Variants in MYO5B observed in about 807,000 individuals in gnomAD.
MYO5B encodes the protein myosin VB.
In MYO5B, 143 loss-of-function variants were observed where a neutral mutation model predicts 229.3. That is an observed-to-expected ratio of 0.62 (90% CI 0.54 to 0.72). The LOEUF (loss-of-function observed/expected upper bound fraction) is 0.72. MYO5B is among the 30% of genes least tolerant of loss of function. The pLI is 0.00. For synonymous variants in MYO5B, 918 were observed against 885.2 expected (o/e 1.04, Z -0.66); for missense variants, 2,321 against 2,331.0 (o/e 1.00, Z 0.09).
At chr18:50,130,873 T>G (rs970615103) in intron 1 of MYO5B, among the ~76,000 whole-genome samples, 1 of 152,188 alleles carries the variant, frequency 6.6e-6, no homozygotes, top group Admixed American at 6.5e-5. Flanking sequence ...CAGGAAAAGG[T>G]AGTTTCCCTT....
intron 1 of MYO5B, among the ~76,000 whole-genome samples, chr18:50,065,427 A>C (rs2030795473): frequency 6.6e-6 from 1 of 152,210 alleles, no homozygotes; most frequent in African/African-American, 2.4e-5. Flanking sequence ...CAGGAAACTT[A>C]CAATCATGGC....
intron 1 of MYO5B, among the ~76,000 whole-genome samples, chr18:50,077,984 TCACAG>T (rs1353757238): frequency 6.6e-6 from 1 of 152,196 alleles, no homozygotes; most frequent in Non-Finnish European, 1.5e-5. Context: ...ACAAAAGGCA[TCACAG>T]CCTGGACTTA....
intron 1 of MYO5B, among the ~76,000 whole-genome samples, chr18:50,187,472 CA>C: frequency 6.7e-6 from 1 of 149,736 alleles, no homozygotes; most frequent in Admixed American, 6.6e-5. Flanking sequence ...GACAGTCTGA[CA>C]AACCCAAAAT....
At chr18:49,948,133 GTT>G (rs950421600) in intron 14 of MYO5B, among the ~76,000 whole-genome samples, 3 of 152,180 alleles carry the variant, frequency 2.0e-5, no homozygotes, top group African/African-American at 7.2e-5. Context: ...ACTCATTTGT[GTT>G]TATAAGAATA....
At chr18:49,866,347 G>T (rs969840626) in intron 27 of MYO5B, among the ~76,000 whole-genome samples, 2 of 152,100 alleles carry the variant, frequency 1.3e-5, no homozygotes, top group Non-Finnish European at 2.9e-5. Flanking sequence ...GGGATTACAG[G>T]CATGAGCCGC....
chr18:50,058,950 C>T (rs1357488921), intron 1 of MYO5B, among the ~76,000 whole-genome samples: 1 of 152,178 alleles, frequency 6.6e-6, no homozygotes, highest in African/African-American at 2.4e-5. Context: ...GTCCAACTTC[C>T]AGCACCATCT....
At chr18:49,841,961 G>A (rs2024063168) in intron 34 of MYO5B, among the ~76,000 whole-genome samples, 2 of 151,964 alleles carry the variant, frequency 1.3e-5, no homozygotes, top group South Asian at 4.1e-4. Context: ...CTAACTAGGT[G>A]AAAAAGCCTG....
intron 22 of MYO5B, among the ~76,000 whole-genome samples, chr18:49,887,446 G>C (rs972663206): frequency 6.6e-6 from 1 of 151,850 alleles, no homozygotes; most frequent in Non-Finnish European, 1.5e-5. Flanking sequence ...ACTCAGTGAG[G>C]GATAAGTTCT....
At chr18:50,184,660 G>A (rs769680651) in intron 1 of MYO5B, among the ~76,000 whole-genome samples, 2 of 152,114 alleles carry the variant, frequency 1.3e-5, no homozygotes, top group African/African-American at 2.4e-5. Flanking sequence ...AACAAATGAA[G>A]GGGAAAATAC....
At chr18:50,189,488 G>A (rs2033198976) in intron 1 of MYO5B, among the ~76,000 whole-genome samples, 1 of 152,170 alleles carries the variant, frequency 6.6e-6, no homozygotes, top group Non-Finnish European at 1.5e-5. Context: ...CCCTTTTGCA[G>A]AGTGTCAATT....
chr18:49,915,125 T>C (rs1375231645), intron 17 of MYO5B, among the ~76,000 whole-genome samples: 3 of 152,050 alleles, frequency 2.0e-5, no homozygotes, highest in African/African-American at 7.2e-5. Flanking sequence ...CAAAATGACA[T>C]CTCTCCCTTT....
At chr18:50,067,908 G>A (rs143781043) in intron 1 of MYO5B, among the ~76,000 whole-genome samples, 15 of 152,258 alleles carry the variant, frequency 9.9e-5, no homozygotes, top group African/African-American at 3.4e-4. Context: ...GACCCATGGG[G>A]ATAGGTAACA....
chr18:49,952,338 T>A (rs1301637308), intron 14 of MYO5B, among the ~76,000 whole-genome samples: 2 of 151,264 alleles, frequency 1.3e-5, no homozygotes, highest in Admixed American at 6.6e-5. Context: ...TCCTGGGAAT[T>A]TCCCCCACCC....
At position 49,895,071 on chromosome 18, in the gene MYO5B, C is replaced by T. The variant is rs1482775858; in HGVS notation, c.2915G>A (p.Ser972Asn). The change falls in exon 22 of 40, where the codon AGC (serine) becomes AAC (asparagine). Residue 972 changes from serine (S) to asparagine (N), a missense_variant. Ser to Asn is a conservative substitution (Grantham distance 46, BLOSUM62 1). Transcript: ENST00000285039. Reference protein sequence around the residue: ...LKKELVHYQQSPGEDTSLRLQ... With the variant: ...LKKELVHYQQNPGEDTSLRLQ... The stretch of plus-strand genomic sequence containing the variant: ...CCTGAGGCTGGTGTCCTCACCTGGG[C>T]TCTGCTGGTAGTGCACCAGCTCCTT... The T allele has an allele frequency of 6.2e-7, 1 of 1,614,186 alleles. No individual in the cohort carries two copies. Among genetic ancestry groups the T allele is most frequent in the Admixed American group, 1.7e-5 (1 of 60,030 alleles).
chr18:50,042,750 G>A (rs1294372210), intron 2 of MYO5B, among the ~76,000 whole-genome samples: 1 of 152,182 alleles, frequency 6.6e-6, no homozygotes, highest in African/African-American at 2.4e-5. Flanking sequence ...CCCCGGACCT[G>A]AGAGAGCACA....
At chr18:50,126,947 G>A (rs76144871) in intron 1 of MYO5B, among the ~76,000 whole-genome samples, 4,682 of 152,272 alleles carry the variant, frequency 0.031, 107 homozygotes, top group South Asian at 0.055. Flanking sequence ...ATTGGTTAGT[G>A]TCACAGAAAA....
chr18:50,001,984 C>T (rs949656334), intron 4 of MYO5B, among the ~76,000 whole-genome samples: 1 of 142,378 alleles, frequency 7.0e-6, no homozygotes, highest in African/African-American at 2.6e-5. Context: ...TGCAGTGAGC[C>T]GAGATCGTGC....
chr18:49,863,728 G>A (rs752904029), intron 28 of MYO5B, among the ~76,000 whole-genome samples: 14 of 152,302 alleles, frequency 9.2e-5, no homozygotes, highest in Non-Finnish European at 1.9e-4. Context: ...AGTGACCCAC[G>A]TGGCCTCTGT....
intron 14 of MYO5B, among the ~76,000 whole-genome samples, chr18:49,944,457 G>C (rs1381481328): frequency 6.6e-6 from 1 of 152,056 alleles, no homozygotes; most frequent in Non-Finnish European, 1.5e-5. Flanking sequence ...GGGAGACCAT[G>C]GAGACCAGAA....
Sources: allele counts gnomAD v4.1 joint callset (sites outside exome capture counted in the v4.1 genomes callset), GRCh38; gene constraint gnomAD v4.1.1; transcripts MANE v1.5; gene names NCBI Gene and HGNC (gene_info 2026-07-23, HGNC 2026-07-21).